NTM: variants seen among roughly 807,000 people sequenced by gnomAD.
NTM encodes the protein neurotrimin.
A neutral mutation model predicts 42.1 loss-of-function variants in NTM; 13 were observed. The observed-to-expected ratio is 0.31, with a 90% CI of 0.20 to 0.49. The LOEUF (loss-of-function observed/expected upper bound fraction) is 0.49. Ranked by LOEUF, NTM falls within the 20% of genes least tolerant of loss-of-function variation. The pLI is 0.99. For synonymous variants in NTM, 187 were observed against 179.2 expected, an observed-to-expected ratio of 1.04 and a Z score of -0.35; for missense variants, 373 against 452.8, an observed-to-expected ratio of 0.82 and a Z score of 1.60.
At chr11:131,702,467 A>C (rs2076172710) in intron 1 of NTM, among the ~76,000 whole-genome samples, 1 of 152,180 alleles carries the variant, frequency 6.6e-6, no homozygotes, top group African/African-American at 2.4e-5. Flanking sequence ...CATCTTGTCC[A>C]AGGTCACACA....
At chr11:132,188,024 G>T (rs1418646448) in intron 3 of NTM, among the ~76,000 whole-genome samples, 1 of 152,170 alleles carries the variant, frequency 6.6e-6, no homozygotes, top group African/African-American at 2.4e-5. Context: ...CAGCAGCTCT[G>T]CAGAGTATGA....
At chr11:131,466,031 A>G (rs1361376678) in intron 1 of NTM, among the ~76,000 whole-genome samples, 1 of 152,220 alleles carries the variant, frequency 6.6e-6, no homozygotes, top group Non-Finnish European at 1.5e-5. Context: ...ATGTGTGTCT[A>G]TGAGGAACCT....
chr11:131,710,295 A>G (rs1297229001), intron 1 of NTM, among the ~76,000 whole-genome samples: 1 of 152,154 alleles, frequency 6.6e-6, no homozygotes, highest in Non-Finnish European at 1.5e-5. Context: ...AAACTACTTA[A>G]TGACATGGAA....
intron 1 of NTM, among the ~76,000 whole-genome samples, chr11:131,474,060 A>T (rs1365825904): frequency 6.6e-6 from 1 of 151,830 alleles, no homozygotes; most frequent in Non-Finnish European, 1.5e-5. Flanking sequence ...TCTTCACCTC[A>T]TTCTCTCATT....
In NTM at chr11:131,779,594, C is replaced by G. The variant is rs148587724; in HGVS notation, c.83-131970C>G. ...AACAAAATAGATTAAGAAAGTATCA[C>G]ATGTGCTCTAAGAGTAGCTTCTACC... On this transcript the variant is annotated intron_variant, in intron 1 of 8. Transcript: ENST00000683400. 2.0e-5 allele frequency among the ~76,000 whole-genome samples: 3 copies of G among 152,240 alleles called. No homozygotes were observed. The East Asian group carries it at 5.8e-4, about 29-fold the overall frequency.
At chr11:132,277,071 T>C (rs1174432021) in intron 4 of NTM, among the ~76,000 whole-genome samples, 1 of 152,232 alleles carries the variant, frequency 6.6e-6, no homozygotes, top group Non-Finnish European at 1.5e-5. Context: ...CTTATGTTTC[T>C]ACATGGGCAA....
Position 132,335,500 on chromosome 11 carries a change from CG to C in NTM, c.*355del. 1 of 250,278 alleles carries C rather than the reference CG, an allele frequency of 4.0e-6. No individual in the cohort carries two copies. Among genetic ancestry groups the C allele is most frequent in the Non-Finnish European group, 7.8e-6 (1 of 128,716 alleles). 15.5% of individuals were successfully genotyped at this position (250,278 alleles called of 1,614,324 possible). On this transcript the variant is annotated 3_prime_UTR_variant, in exon 9 of 9. Transcript: ENST00000683400. ...CCTCTCTGCCCACAGAGTGCCCCCA[CG>C]TGGAACATTCTGGAGCTGGCCATCC...
chr11:131,571,681 T>C (rs759895652), intron 1 of NTM, among the ~76,000 whole-genome samples: 16 of 152,254 alleles, frequency 1.1e-4, no homozygotes, highest in Non-Finnish European at 1.9e-4. Context: ...TCTGTTTATG[T>C]TCTTTGTTAA....
intron 1 of NTM, among the ~76,000 whole-genome samples, chr11:131,862,560 G>C (rs1179392829): frequency 6.6e-6 from 1 of 152,094 alleles, no homozygotes; most frequent in African/African-American, 2.4e-5. Context: ...TTTTATTTTT[G>C]TTTGATGGTA....
At chr11:132,158,726 A>T (rs1221820028) in intron 3 of NTM, among the ~76,000 whole-genome samples, 2 of 152,242 alleles carry the variant, frequency 1.3e-5, no homozygotes, top group Non-Finnish European at 2.9e-5. Flanking sequence ...TGAGAGCATG[A>T]ACTTCTCTGT....
At position 131,980,455 on chromosome 11, in the gene NTM, A is replaced by C. The variant is rs1252685619; in HGVS notation, c.167+68807A>C. On this transcript the variant is annotated intron_variant, in intron 2 of 8. Transcript: ENST00000683400. ...TAATTAAAGACAGGAAACTGAATTT[A>C]ATGATCTCTACTGATCTCTTAAATT... Among the ~76,000 whole-genome samples, 4 of 152,376 alleles carry C rather than the reference A, an allele frequency of 2.6e-5. No individual in the cohort carries two copies. In the East Asian group the frequency reaches 7.7e-4, roughly 29 times the overall value.
At chr11:131,752,352 C>T (rs565529524) in intron 1 of NTM, among the ~76,000 whole-genome samples, 31 of 152,192 alleles carry the variant, frequency 2.0e-4, no homozygotes, top group Non-Finnish European at 4.3e-4. Context: ...CCATCTCACA[C>T]CAGTTAGAAT....
intron 2 of NTM, among the ~76,000 whole-genome samples, chr11:132,022,534 C>T (rs2074504954): frequency 6.6e-6 from 1 of 151,204 alleles, no homozygotes; most frequent in African/African-American, 2.4e-5. Context: ...TTTGCGAGTT[C>T]CCTTGTGCTC....
chr11:132,154,628 G>A (rs892813506), intron 3 of NTM, among the ~76,000 whole-genome samples: 1 of 152,188 alleles, frequency 6.6e-6, no homozygotes, highest in African/African-American at 2.4e-5. Context: ...GAGGATGAAT[G>A]ACAGCTGCAA....
chr11:131,697,179 T>C (rs919261762), intron 1 of NTM, among the ~76,000 whole-genome samples: 1 of 152,194 alleles, frequency 6.6e-6, no homozygotes, highest in African/African-American at 2.4e-5. Context: ...GATGTGAATA[T>C]AATAAGCACA....
In NTM at chr11:131,421,746, T is replaced by G. The variant is rs188311374; in HGVS notation, c.82+50858T>G. Among the ~76,000 whole-genome samples, 446 of 152,316 alleles carry G rather than the reference T, an allele frequency of 2.9e-3. 3 individuals are homozygous for G. Among genetic ancestry groups the G allele is most frequent in the African/African-American group, 0.01 (420 of 41,580 alleles). On this transcript the variant is annotated intron_variant, in intron 1 of 8. Transcript: ENST00000683400. ...TGCTGACTAACCTACATATCTTTAT[T>G]AAGAACTACCCACCTTAGCCTAGGG...
intron 1 of NTM, among the ~76,000 whole-genome samples, chr11:131,871,092 A>G (rs1234327717): frequency 6.6e-6 from 1 of 152,204 alleles, no homozygotes; most frequent in South Asian, 2.1e-4. Context: ...TGAGTTTATT[A>G]TCTGTTGCTG....
At chr11:131,977,615 T>C (rs952963433) in intron 2 of NTM, among the ~76,000 whole-genome samples, 1 of 152,216 alleles carries the variant, frequency 6.6e-6, no homozygotes, top group Admixed American at 6.5e-5. Flanking sequence ...AACATTTCAT[T>C]TGTGTGACAT....
At chr11:131,642,623 G>C (rs750808683) in intron 1 of NTM, among the ~76,000 whole-genome samples, 4 of 152,112 alleles carry the variant, frequency 2.6e-5, no homozygotes, top group Non-Finnish European at 5.9e-5. Context: ...CCTGATGCCT[G>C]TCCAGACACC....
Sources: gnomAD v4.1 joint callset for allele counts (sites outside exome capture counted in the v4.1 genomes callset) on GRCh38, gnomAD v4.1.1 for gene constraint, MANE v1.5 for transcripts, NCBI Gene and HGNC (gene_info 2026-07-23, HGNC 2026-07-21) for gene names.